PPP1R12C: variants seen among roughly 807,000 people sequenced by gnomAD.
PPP1R12C encodes the protein protein phosphatase 1 regulatory subunit 12C, also known as leukocyte receptor cluster (LRC) encoded novel gene 3.
In PPP1R12C, 48 loss-of-function variants were observed where a neutral mutation model predicts 95.6. That is an observed-to-expected ratio of 0.50 (90% CI 0.40 to 0.64). The LOEUF (loss-of-function observed/expected upper bound fraction) is 0.64, where lower values mean the gene tolerates loss of function less well. Among genes scored for constraint, PPP1R12C ranks in the 30% least tolerant of loss-of-function variants. The pLI is 0.00. For missense variants in PPP1R12C, 1,057 were observed against 1,083.3 expected (o/e 0.98, Z 0.34); for synonymous variants, 480 against 460.8 (o/e 1.04, Z -0.53).
In PPP1R12C at chr19:55,091,922, C is replaced by T. The variant is rs771365531; in HGVS notation, c.2161-13G>A. 15 of 1,612,970 alleles carry T rather than the reference C, an allele frequency of 9.3e-6. No individual in the cohort carries two copies. The South Asian group carries it at 1.6e-4, about 18-fold the overall frequency. ...AGCGTTCTTGCCTCTGGTGAGGACA[C>T]AGAAAGCACAGGGGTCAGCAGAAGA... On this transcript the variant is annotated splice_polypyrimidine_tract_variant and intron_variant, in intron 19 of 21. Coordinates refer to ENST00000263433, the MANE Select transcript of PPP1R12C (RefSeq NM_017607.4).
In PPP1R12C at chr19:55,103,449, G is replaced by A; in HGVS notation, c.691C>T (p.Leu231=). The part of the protein sequence containing the change: ...ARHPRTGASA[L]HVAAAKGYIE... ...TAGCCCTTGGCAGCAGCCACGTGCA[G>A]GGCAGAGGCGCCTGTGCGGGGGTGC... The change falls in exon 4 of 22, where the codon CTG becomes TTG. Residue 231 remains leucine (L), a synonymous_variant. Transcript: ENST00000263433. 6 of 1,587,500 alleles carry A rather than the reference G, an allele frequency of 3.8e-6. No homozygotes were observed. The highest frequency in any genetic ancestry group is 2.3e-5 in the East Asian group (1 of 43,574).
intron 6 of PPP1R12C, among the ~76,000 whole-genome samples, 157 bp downstream of exon 6, chr19:55,098,627 C>T (rs944408696): frequency 1.1e-4 from 17 of 152,252 alleles, no homozygotes; most frequent in African/African-American, 4.1e-4. Flanking sequence ...GGGGTCTCTC[C>T]TGAGGCTGGG....
intron 3 of PPP1R12C, among the ~76,000 whole-genome samples, chr19:55,111,143 G>C (rs1363003375): frequency 7.2e-6 from 1 of 138,716 alleles, no homozygotes; most frequent in African/African-American, 2.9e-5. Context: ...TTCGTGGGGT[G>C]GGGGGGAGGG....
chr19:55,096,670 G>C (rs557947071), intron 6 of PPP1R12C, among the ~76,000 whole-genome samples: 1 of 152,132 alleles, frequency 6.6e-6, no homozygotes, highest in East Asian at 1.9e-4. Flanking sequence ...CAGGGCACTG[G>C]TGGGCCCTCA....
rs781639038 is a variant in PPP1R12C, at chr19:55,092,252, C to G, written c.2130G>C (p.Gln710His). 2.5e-6 allele frequency: 4 copies of G among 1,588,204 alleles called. No homozygotes were observed. The highest frequency in any genetic ancestry group is 2.6e-6 in the Non-Finnish European group (3 of 1,168,810). ...TGGCCCGCTCCAGCTCCACCTTGAG[C>G]TGCGCCAGCCGCAGCGTGGTCTCGG... ...ALTETTLRLA[Q>H]LKVELERATQ... is the part of the protein sequence containing the mutation. Residue 710 changes from glutamine (Q) to histidine (H), a missense_variant, in exon 19 of 22, where the codon CAG (glutamine) becomes CAC (histidine). Around this residue, in one of 5 missense-constraint regions of PPP1R12C, gnomAD observed 347 missense variants for 307.9 expected, o/e 1.13. Coordinates refer to ENST00000263433, the MANE Select transcript of PPP1R12C (RefSeq NM_017607.4).
chr19:55,111,613 C>G (rs2147210700), intron 3 of PPP1R12C: 1 of 152,220 alleles, frequency 6.6e-6, no homozygotes, highest in East Asian at 1.9e-4. Flanking sequence ...GGAATCCTAT[C>G]CTTTCAGCCT....
intron 11 of PPP1R12C, 69 bp downstream of exon 11, chr19:55,095,222 A>G: frequency 6.8e-7 from 1 of 1,466,088 alleles, no homozygotes; most frequent in Non-Finnish European, 9.3e-7. Flanking sequence ...CTCACTCAGG[A>G]TCACACGGAC....
intron 20 of PPP1R12C, 41 bp downstream of exon 20, chr19:55,091,818 T>C: frequency 1.2e-6 from 2 of 1,612,696 alleles, no homozygotes; most frequent in Non-Finnish European, 8.5e-7. Flanking sequence ...GATGTGAGGC[T>C]GGGGACGCCT....
At chr19:55,092,890 G>C in intron 15 of PPP1R12C, 22 bp from the exon 16 acceptor site, 7 of 1,601,458 alleles carry the variant, frequency 4.4e-6, no homozygotes, top group Non-Finnish European at 6.0e-6. Flanking sequence ...GCAGGAATCA[G>C]CCCAGGCACC....
Position 55,091,701 on chromosome 19 carries a change from CTGGAA to C in PPP1R12C, c.2212-6_2212-2del. ...CCTTGCGTTCCAGGGCCCTGCGCTC[CTGGAA>C]TGAACAGGGAAAGTGCAGAAACTGA... On this transcript the variant is annotated splice_acceptor_variant and splice_polypyrimidine_tract_variant and intron_variant, in intron 20 of 21. Transcript: ENST00000263433. LOFTEE classifies it high-confidence loss of function. 6.2e-7 allele frequency: 1 copy of C among 1,613,594 alleles called. No individual in the cohort carries two copies. Among genetic ancestry groups the C allele is most frequent in the East Asian group, 2.2e-5 (1 of 44,830 alleles).
Position 55,092,264 on chromosome 19 carries a change from C to A in PPP1R12C, c.2118G>T (p.Leu706=). 1 of 1,598,728 alleles carries A rather than the reference C, an allele frequency of 6.3e-7. No individual in the cohort carries two copies. Among genetic ancestry groups the A allele is most frequent in the Non-Finnish European group, 8.5e-7 (1 of 1,173,256 alleles). ...RLREALTETT[L]RLAQLKVELE... is the part of the protein sequence containing the mutation. ...GCTCCACCTTGAGCTGCGCCAGCCGCAGCGTGGTCTCGGTCAGGGCCTCGC... is the reference window on the plus strand; with the variant it reads ...GCTCCACCTTGAGCTGCGCCAGCCGAAGCGTGGTCTCGGTCAGGGCCTCGC... Residue 706 remains leucine (L), a synonymous_variant, in exon 19 of 22, where the codon CTG becomes CTT. Transcript: ENST00000263433.
chr19:55,107,574 C>G (rs974382397), intron 3 of PPP1R12C, among the ~76,000 whole-genome samples: 11 of 151,898 alleles, frequency 7.2e-5, no homozygotes, highest in African/African-American at 2.7e-4. Flanking sequence ...AAGCTGGAAA[C>G]CATCACTCAG....
rs1274333169 is a variant in PPP1R12C, at chr19:55,091,569, G to C, written c.2263-11C>G. Reference sequence around the variant, plus strand: ...GAGGTCAGACAGGGCCTGGGGGACGGCAAGGGTCAGCTGGGCAGCCCTGGC... The same window carrying C: ...GAGGTCAGACAGGGCCTGGGGGACGCCAAGGGTCAGCTGGGCAGCCCTGGC... On this transcript the variant is annotated splice_polypyrimidine_tract_variant and intron_variant, in intron 21 of 21. Coordinates refer to ENST00000263433, the MANE Select transcript of PPP1R12C (RefSeq NM_017607.4). The C allele has an allele frequency of 6.2e-7, 1 of 1,612,762 alleles. No individual in the cohort carries two copies. The highest frequency in any genetic ancestry group is 8.5e-7 in the Non-Finnish European group (1 of 1,179,734).
chr19:55,093,331 G>T, intron 13 of PPP1R12C, 98 bp from the exon 14 acceptor site: 2 of 203,646 alleles, frequency 9.8e-6, no homozygotes, highest in East Asian at 2.0e-4. Context: ...TCCTCCCTCA[G>T]ACCCAGGAGC....
At position 55,091,881 on chromosome 19, in the gene PPP1R12C, G is replaced by T; in HGVS notation, c.2189C>A (p.Ala730Asp). 1.2e-6 allele frequency: 2 copies of T among 1,613,342 alleles called. No homozygotes were observed. The highest frequency in any genetic ancestry group is 1.7e-6 in the Non-Finnish European group (2 of 1,179,998). The change falls in exon 20 of 22, where the codon GCC (alanine) becomes GAC (aspartate). Residue 730 changes from alanine (A) to aspartate (D), a missense_variant. Ala to Asp is a moderately radical substitution (Grantham distance 126, BLOSUM62 -2). Around this residue, in one of 5 missense-constraint regions of PPP1R12C, gnomAD observed 347 missense variants for 307.9 expected, o/e 1.13. Transcript: ENST00000263433. The stretch of plus-strand genomic sequence containing the variant: ...CACGAATCTCTCCAGTTCCAGGAGG[G>T]CTGGCCTCTCAGCGAAGCGTTCTTG... ...QRQERFAERP[A>D]LLELERFERR... is the part of the protein sequence containing the mutation.
At chr19:55,113,156 A>T in intron 1 of PPP1R12C, 1 of 498,980 alleles carries the variant, frequency 2.0e-6, no homozygotes, top group Non-Finnish European at 3.5e-6. Context: ...TGCTCAGACT[A>T]GGGAAGAGGT....
chr19:55,091,610 C>A (rs769547446), intron 21 of PPP1R12C, 40 bp downstream of exon 21: 1 of 1,595,066 alleles, frequency 6.3e-7, no homozygotes, highest in Non-Finnish European at 8.6e-7. Context: ...GCACCCCCAC[C>A]CACCCTCGGC....
chr19:55,096,484 CT>C (rs2084914218), intron 6 of PPP1R12C, 149 bp from the exon 7 acceptor site: 1 of 942,314 alleles, frequency 1.1e-6, no homozygotes, highest in Non-Finnish European at 1.6e-6. Flanking sequence ...GGCCACACAC[CT>C]CAGGGGCAGG....
intron 3 of PPP1R12C, among the ~76,000 whole-genome samples, chr19:55,110,801 G>T (rs1215332454): frequency 6.6e-6 from 1 of 151,738 alleles, no homozygotes; most frequent in Non-Finnish European, 1.5e-5. Context: ...AACCCAGGAG[G>T]TGGAGGTTGC....
Sources: gnomAD v4.1 joint callset for allele counts (sites outside exome capture counted in the v4.1 genomes callset) on GRCh38, gnomAD v4.1.1 for gene constraint, gnomAD v4.1.1 regional missense constraint, MANE v1.5 for transcripts, NCBI Gene and HGNC (gene_info 2026-07-23, HGNC 2026-07-21) for gene names.